Variants in NFATC1 observed in about 807,000 individuals in gnomAD.
NFATC1 encodes the protein nuclear factor of activated T cells 1.
Under a neutral mutation model 76.0 loss-of-function variants are expected in NFATC1, and 22 were observed. That is an observed-to-expected ratio of 0.29 (90% CI 0.21 to 0.41). The LOEUF is 0.41. NFATC1 is among the 10% of genes least tolerant of loss of function. NFATC1 has a pLI of 1.00. For synonymous variants in NFATC1, 704 were observed against 613.1 expected, an observed-to-expected ratio of 1.15 and a Z score of -2.19; for missense variants, 1,357 against 1,337.7, an observed-to-expected ratio of 1.01 and a Z score of -0.23.
chr18:79,445,463 C>T (rs1025086824), intron 3 of NFATC1, among the ~76,000 whole-genome samples: 5 of 152,196 alleles, frequency 3.3e-5, no homozygotes, highest in South Asian at 2.1e-4. Flanking sequence ...CCCTGAGAGA[C>T]GCACCACGGC....
intron 9 of NFATC1, among the ~76,000 whole-genome samples, chr18:79,507,744 A>T (rs901443825): frequency 1.3e-5 from 2 of 152,268 alleles, no homozygotes; most frequent in African/African-American, 4.8e-5. Context: ...TCAGTAAAGA[A>T]AAACCTTCTC....
At chr18:79,488,080 G>C (rs749050438) in intron 9 of NFATC1, among the ~76,000 whole-genome samples, 9 of 152,274 alleles carry the variant, frequency 5.9e-5, no homozygotes, top group South Asian at 4.1e-4. Context: ...CCTGACCCAG[G>C]GGGGGCAGGG....
chr18:79,512,079 C>T lies in NFATC1; in HGVS notation c.2783-15449C>T, dbSNP rs371061962. Among the ~76,000 whole-genome samples, 59 of 152,246 alleles carry T rather than the reference C, an allele frequency of 3.9e-4. No homozygotes were observed. In the East Asian group the frequency reaches 7.9e-3, roughly 20 times the overall value. The stretch of plus-strand genomic sequence containing the variant: ...CTCCTTGTCTCCGGCCCAAGCGACC[C>T]CTGGCATGGCGGACAGAGAGGCCCA... On this transcript the variant is annotated intron_variant, in intron 9 of 9. Transcript: ENST00000427363.
chr18:79,411,777 C>T (rs2085696476), intron 2 of NFATC1, among the ~76,000 whole-genome samples: 1 of 152,228 alleles, frequency 6.6e-6, no homozygotes, highest in Admixed American at 6.5e-5. Flanking sequence ...TGCTGATGGC[C>T]TCGTGTTCGC....
intron 2 of NFATC1, among the ~76,000 whole-genome samples, chr18:79,429,629 G>A (rs1330945861): frequency 3.3e-5 from 5 of 152,172 alleles, no homozygotes; most frequent in African/African-American, 7.2e-5. Flanking sequence ...TCCCGTCTCC[G>A]CAGCAGTGCA....
intron 2 of NFATC1, among the ~76,000 whole-genome samples, chr18:79,413,856 G>C (rs973126426): frequency 8.5e-5 from 13 of 152,106 alleles, no homozygotes; most frequent in African/African-American, 1.7e-4. Context: ...TTTTTCCTCT[G>C]CTTGGGGGTT....
intron 9 of NFATC1, among the ~76,000 whole-genome samples, chr18:79,488,350 G>T (rs1234479695): frequency 6.8e-6 from 1 of 147,966 alleles, no homozygotes; most frequent in African/African-American, 2.6e-5. Flanking sequence ...TTGAGGTAGT[G>T]TGTCCCATGA....
chr18:79,474,777 C>T (rs930117112), intron 8 of NFATC1, among the ~76,000 whole-genome samples: 7 of 148,346 alleles, frequency 4.7e-5, no homozygotes, highest in Admixed American at 2.0e-4. Context: ...TCACTGTCGA[C>T]GTTGCGAGGG....
chr18:79,445,189 C>G (rs1221159038), intron 3 of NFATC1, among the ~76,000 whole-genome samples: 2 of 152,234 alleles, frequency 1.3e-5, no homozygotes. Flanking sequence ...ATTTTTCTTA[C>G]AAGTACCGTG....
rs1300869283 is a variant in NFATC1 at position 79,422,282 on chromosome 18, T to TA, written c.1226+10783dup. 5 of 152,340 alleles carry TA rather than the reference T, an allele frequency of 3.3e-5. No homozygotes were observed. In the East Asian group the frequency reaches 5.8e-4, roughly 18 times the overall value. The allele number at this position is 152,340 out of a possible 1,614,324, so 9.4% of individuals were successfully genotyped here. A position where few individuals can be genotyped will look rare whatever the true frequency, so the allele number is the denominator to read the frequency against. ...ATTTCTGGTTTTGGTTTTTGTTTTA[T>TA]AAGCCATCCATGGCAAGTGCAGTCG... On this transcript the variant is annotated intron_variant, in intron 2 of 9. Coordinates refer to ENST00000427363, the MANE Select transcript of NFATC1 (RefSeq NM_001278669.2).
intron 2 of NFATC1, among the ~76,000 whole-genome samples, chr18:79,424,585 TTC>T (rs1440853363): frequency 2.9e-5 from 4 of 135,848 alleles, no homozygotes; most frequent in Non-Finnish European, 4.7e-5. Context: ...CTCCATCTCT[TTC>T]TCTGTCTCTC....
chr18:79,418,761 T>G (rs1279548130), intron 2 of NFATC1, among the ~76,000 whole-genome samples: 1 of 152,168 alleles, frequency 6.6e-6, no homozygotes, highest in Non-Finnish European at 1.5e-5. Context: ...CCTGCGTTGT[T>G]TAGTTTGTTT....
chr18:79,523,080 T>G (rs973409646), intron 9 of NFATC1, among the ~76,000 whole-genome samples: 1 of 152,154 alleles, frequency 6.6e-6, no homozygotes, highest in Non-Finnish European at 1.5e-5. Context: ...ACTGGGTGAC[T>G]ACAGTACCTG....
At position 79,524,946 on chromosome 18, in the gene NFATC1, C is replaced by T. The variant is rs1351305381; in HGVS notation, c.2783-2582C>T. Among the ~76,000 whole-genome samples, 8 of 152,098 alleles carry T rather than the reference C, an allele frequency of 5.3e-5. No individual in the cohort carries two copies. The highest frequency in any genetic ancestry group is 3.9e-4 in the Admixed American group (6 of 15,288). ...CCACGAACACGATGGAGACCTCAGA[C>T]GCCGTCCCCACCCTGTCACTGTCAC... On this transcript the variant is annotated intron_variant, in intron 9 of 9. Transcript: ENST00000427363. The surrounding 1 kb of genome is among the most constrained non-coding windows in gnomAD (Gnocchi z 7.2).
intron 9 of NFATC1, among the ~76,000 whole-genome samples, chr18:79,510,969 T>C (rs1422648655): frequency 6.6e-6 from 1 of 152,218 alleles, no homozygotes; most frequent in Non-Finnish European, 1.5e-5. Flanking sequence ...GTCTTGTCGC[T>C]GCGGTGGAAG....
chr18:79,440,535 A>G (rs961059155), intron 3 of NFATC1, among the ~76,000 whole-genome samples: 46 of 152,346 alleles, frequency 3.0e-4, no homozygotes, highest in African/African-American at 1.1e-3. Flanking sequence ...TTCCCCGCAG[A>G]CACCGTGGTG....
intron 7 of NFATC1, among the ~76,000 whole-genome samples, chr18:79,464,589 G>A (rs116687633): frequency 0.014 from 1,960 of 138,680 alleles, 43 homozygotes; most frequent in African/African-American, 0.045. Flanking sequence ...TGCTGTGTGT[G>A]GATGTTCACG....
chr18:79,520,623 TCCACTGATGTGTGTGTCTGTGTGTCGG>T (rs2090506009), intron 9 of NFATC1, among the ~76,000 whole-genome samples: 3 of 71,834 alleles, frequency 4.2e-5, no homozygotes, highest in South Asian at 1.5e-3. Context: ...GGGGGGGGCA[TCCACTGATGTGTGTGTCTGTGTGTCGG>T]GGGGGGCATC....
intron 3 of NFATC1, among the ~76,000 whole-genome samples, 188 bp downstream of exon 3, chr18:79,433,926 C>G (rs2086685120): frequency 6.6e-6 from 1 of 152,258 alleles, no homozygotes; most frequent in Non-Finnish European, 1.5e-5. Flanking sequence ...CCTCCTGCTT[C>G]CACACGTGCA....
Sources: allele counts gnomAD v4.1 joint callset (sites outside exome capture counted in the v4.1 genomes callset), GRCh38; gene constraint gnomAD v4.1.1; non-coding constraint Gnocchi (gnomAD v3.1); transcripts MANE v1.5; gene names NCBI Gene and HGNC (gene_info 2026-07-23, HGNC 2026-07-21).